Variants in NAV1 observed in about 807,000 individuals in gnomAD.
NAV1 encodes the protein neuron navigator 1.
A neutral mutation model predicts 175.2 loss-of-function variants in NAV1; 18 were observed. That is an observed-to-expected ratio of 0.10 (90% CI 0.07 to 0.15). The LOEUF (loss-of-function observed/expected upper bound fraction) is 0.15, where lower values mean the gene tolerates loss of function less well. Among genes scored for constraint, NAV1 ranks in the 10% least tolerant of loss-of-function variants. The pLI, the probability that NAV1 is intolerant of heterozygous loss-of-function variation, is 1.00. For missense variants in NAV1, 1,731 were observed against 2,436.6 expected (o/e 0.71, Z 6.10); for synonymous variants, 897 against 978.7 (o/e 0.92, Z 1.56).
chr1:201,648,056 C>T, upstream of NAV1, among the ~76,000 whole-genome samples: 2 of 151,610 alleles, frequency 1.3e-5, no homozygotes, highest in East Asian at 3.9e-4. Context: ...GATACCTCCC[C>T]CTCCCGAGCC....
intron 1 of NAV1, among the ~76,000 whole-genome samples, chr1:201,554,597 T>G (rs1665958082): frequency 6.6e-6 from 1 of 152,200 alleles, no homozygotes; most frequent in African/African-American, 2.4e-5. Flanking sequence ...TGGATGACTG[T>G]GGAACATGGG....
Position 201,539,310 on chromosome 1 carries a change from G to A in NAV1, c.-176G>A, listed in dbSNP as rs1339327536. 1.3e-5 allele frequency among the ~76,000 whole-genome samples: 2 copies of A among 151,890 alleles called. No homozygotes were observed. Among genetic ancestry groups the A allele is most frequent in the South Asian group, 2.1e-4 (1 of 4,838 alleles). ...ATGCGCGACTCTGCGCGGCTGCGGC[G>A]CGGACCCGGAGCCCGGGCGGGCAGG... is the stretch of plus-strand genomic sequence containing the variant. On this transcript the variant is annotated 5_prime_UTR_variant, in exon 1 of 34. Coordinates refer to the NAV1 transcript ENST00000685211. The surrounding 1 kb of genome is among the most constrained non-coding windows in gnomAD (Gnocchi z 5.6).
At chr1:201,721,506 G>A (rs1351063732) in intron 3 of NAV1, among the ~76,000 whole-genome samples, 2 of 152,252 alleles carry the variant, frequency 1.3e-5, no homozygotes, top group Non-Finnish European at 2.9e-5. Flanking sequence ...GCAAACCTGA[G>A]CTGTCGTTGC....
chr1:201,727,591 G>A (rs919414969), intron 3 of NAV1, among the ~76,000 whole-genome samples: 2 of 152,272 alleles, frequency 1.3e-5, no homozygotes, highest in African/African-American at 2.4e-5. Context: ...GTCTTGGGCC[G>A]GGCACCCCCA....
At chr1:201,683,188 G>A (rs965820620) in intron 1 of NAV1, among the ~76,000 whole-genome samples, 1 of 152,184 alleles carries the variant, frequency 6.6e-6, no homozygotes, top group Non-Finnish European at 1.5e-5. Flanking sequence ...TACTGGTCAG[G>A]TATTTTGCAG....
chr1:201,809,166 C>G (rs771472230), exon 21 of NAV1: 1 of 1,613,926 alleles, frequency 6.2e-7, no homozygotes, highest in East Asian at 2.2e-5. Context: ...CCCCACAGAC[C>G]TGTCACCCAT....
intron 3 of NAV1, among the ~76,000 whole-genome samples, chr1:201,749,843 G>A (rs1436511690): frequency 6.6e-6 from 1 of 152,154 alleles, no homozygotes; most frequent in East Asian, 1.9e-4. Context: ...CGAGGCTGCT[G>A]CATTGAGCCA....
chr1:201,548,286 A>T (rs1665725866), intron 1 of NAV1, among the ~76,000 whole-genome samples: 1 of 152,246 alleles, frequency 6.6e-6, no homozygotes, highest in Non-Finnish European at 1.5e-5. Flanking sequence ...GCTATCAATA[A>T]AGGTGTAACT....
At chr1:201,712,144 C>T (rs1671933984) in intron 1 of NAV1, among the ~76,000 whole-genome samples, 1 of 152,206 alleles carries the variant, frequency 6.6e-6, no homozygotes, top group East Asian at 1.9e-4. Context: ...CCACCAGCCA[C>T]CTCACCTTTA....
chr1:201,656,446 C>T (rs1669407278), intron 1 of NAV1, among the ~76,000 whole-genome samples: 1 of 152,154 alleles, frequency 6.6e-6, no homozygotes. Context: ...GTGGTCTGGT[C>T]TGAAAGGTTG....
chr1:201,602,536 T>C (rs922915189), intron 2 of NAV1, among the ~76,000 whole-genome samples: 1 of 152,138 alleles, frequency 6.6e-6, no homozygotes, highest in Non-Finnish European at 1.5e-5. Context: ...AGAGACAGGG[T>C]TCCACCGTGT....
At chr1:201,728,551 G>A (rs984825422) in intron 3 of NAV1, among the ~76,000 whole-genome samples, 4 of 148,114 alleles carry the variant, frequency 2.7e-5, no homozygotes, top group African/African-American at 1.0e-4. Flanking sequence ...CTGAGATCAT[G>A]CCATTACACT....
chr1:201,648,775 C>G, exon 1 of NAV1: 1 of 1,410,366 alleles, frequency 7.1e-7, no homozygotes, highest in Non-Finnish European at 9.2e-7. Context: ...AAGGCGGCAG[C>G]GGCGGACGGC....
At chr1:201,701,923 T>C (rs542301749) in intron 1 of NAV1, among the ~76,000 whole-genome samples, 5 of 152,208 alleles carry the variant, frequency 3.3e-5, no homozygotes, top group African/African-American at 1.2e-4. Flanking sequence ...TATAAAGGCA[T>C]GGACGTGAAT....
intron 3 of NAV1, among the ~76,000 whole-genome samples, chr1:201,757,353 C>G (rs1674578026): frequency 6.6e-6 from 1 of 152,096 alleles, no homozygotes; most frequent in African/African-American, 2.4e-5. Flanking sequence ...ACTGTGACCT[C>G]TTAACTTCTG....
At chr1:201,729,066 G>A (rs914862874) in intron 3 of NAV1, among the ~76,000 whole-genome samples, 1 of 152,196 alleles carries the variant, frequency 6.6e-6, no homozygotes, top group Non-Finnish European at 1.5e-5. Flanking sequence ...GATGAGCTTG[G>A]CTTTTCCCCC....
intron 29 of NAV1, 33 bp downstream of exon 33, chr1:201,817,318 A>T (rs777934151): frequency 1.9e-5 from 30 of 1,597,986 alleles, no homozygotes; most frequent in Non-Finnish European, 2.4e-5. Flanking sequence ...TAAAAATAAG[A>T]CTATTATAGA....
At chr1:201,579,166 G>T (rs181926542) in intron 1 of NAV1, among the ~76,000 whole-genome samples, 229 of 152,116 alleles carry the variant, frequency 1.5e-3, no homozygotes, top group Non-Finnish European at 2.7e-3. Context: ...TTTCTGGGCT[G>T]CCACTTTCCT....
At position 201,813,318 on chromosome 1, in the gene NAV1, G is replaced by A; in HGVS notation, c.5340+60G>A. ...CAGGCTGTCCTACCTAACAAAGTAG[G>A]AATGTTTCTTTAATGTTAGGCATGG... On this transcript the variant is annotated intron_variant, in intron 28 of 29. Coordinates refer to ENST00000367296, the Ensembl canonical transcript of NAV1. The surrounding 1 kb of genome is among the most constrained non-coding windows in gnomAD (Gnocchi z 4.2). The A allele has an allele frequency of 8.9e-7, 1 of 1,127,936 alleles. No individual in the cohort carries two copies. The highest frequency in any genetic ancestry group is 1.3e-5 in the South Asian group (1 of 75,954). The allele number at this position is 1,127,936 out of a possible 1,614,324, so 69.9% of individuals were successfully genotyped here.
Sources: allele counts gnomAD v4.1 joint callset (sites outside exome capture counted in the v4.1 genomes callset), GRCh38; gene constraint gnomAD v4.1.1; non-coding constraint Gnocchi (gnomAD v3.1); transcripts MANE v1.5; gene names NCBI Gene and HGNC (gene_info 2026-07-23, HGNC 2026-07-21).